The following ANKRD30A variants were observed in gnomAD, a reference collection of about 807,000 sequenced individuals.
ANKRD30A encodes the protein ankyrin repeat domain-containing protein 30A.
A neutral mutation model predicts 166.3 loss-of-function variants in ANKRD30A; 170 were observed. That is an observed-to-expected ratio of 1.02 (90% CI 0.90 to 1.16). The LOEUF (loss-of-function observed/expected upper bound fraction) is 1.16. Ranked by LOEUF, ANKRD30A falls within the 50% of genes most tolerant of loss-of-function variation. ANKRD30A has a pLI of 0.00. For synonymous variants in ANKRD30A, 564 were observed against 508.9 expected (o/e 1.11, Z -1.46); for missense variants, 1,630 against 1,518.0 (o/e 1.07, Z -1.23).
At position 37,142,084 on chromosome 10, in the gene ANKRD30A, T is replaced by C. The variant is rs1337144824; in HGVS notation, c.1187T>C (p.Met396Thr). ...AAAGAAGACACACCTAGGGAAATTA[T>C]GAGTCCCGCAAAAGAAACATCTGAG... ...EKKEDTPREI[M>T]SPAKETSEKF... The change falls in exon 7 of 36, where the codon ATG becomes ACG. Residue 396 changes from methionine to threonine, a missense_variant. By Grantham distance (81) the Met-to-Thr change is moderately conservative. This residue lies in a region of ANKRD30A where 904 missense variants were observed against 818.5 expected (regional missense o/e 1.10). Coordinates refer to ENST00000361713, the MANE Select transcript of ANKRD30A (RefSeq NM_052997.3). 5 of 1,608,296 alleles carry C rather than the reference T, an allele frequency of 3.1e-6. No individual in the cohort carries two copies. Among genetic ancestry groups the C allele is most frequent in the East Asian group, 4.5e-5 (2 of 44,684 alleles).
downstream of ANKRD30A, among the ~76,000 whole-genome samples, chr10:37,232,754 A>G (rs572690835): frequency 1.3e-4 from 18 of 138,872 alleles, no homozygotes; most frequent in African/African-American, 4.5e-4. Flanking sequence ...TTTTAAAACT[A>G]TATGCAGTCA....
intron 9 of ANKRD30A, among the ~76,000 whole-genome samples, chr10:37,148,829 C>T (rs993053887): frequency 6.6e-6 from 1 of 151,876 alleles, no homozygotes; most frequent in African/African-American, 2.4e-5. Context: ...TGTCATTCCA[C>T]AAAAATTTAT....
At chr10:37,198,550 T>C (rs11011066) in intron 29 of ANKRD30A, among the ~76,000 whole-genome samples, 7,291 of 152,178 alleles carry the variant, frequency 0.048, 239 homozygotes, top group South Asian at 0.061. Flanking sequence ...TGTTCAATCA[T>C]GCATTCCACC....
the ANKRD30A span, among the ~76,000 whole-genome samples, chr10:37,259,542 A>G: frequency 2.6e-5 from 4 of 152,368 alleles, no homozygotes; most frequent in East Asian, 5.8e-4. Flanking sequence ...TACCAAAAGA[A>G]TGTTCATAGC....
At chr10:37,192,927 A>G in intron 25 of ANKRD30A, 137 bp from the exon 26 acceptor site, 2 of 1,468,574 alleles carry the variant, frequency 1.4e-6, no homozygotes, top group Non-Finnish European at 1.9e-6. Context: ...ACAGTAACCC[A>G]AAAGACCCCA....
At chr10:37,213,073 C>G (rs536441059) in intron 31 of ANKRD30A, among the ~76,000 whole-genome samples, 1 of 151,920 alleles carries the variant, frequency 6.6e-6, no homozygotes, top group South Asian at 2.1e-4. Flanking sequence ...TATTGATCCT[C>G]TCAAAGTGTT....
chr10:37,156,073 G>A (rs1490563448), intron 13 of ANKRD30A, among the ~76,000 whole-genome samples: 1 of 142,940 alleles, frequency 7.0e-6, no homozygotes. Flanking sequence ...AGAGTGATAC[G>A]CTATCAAAAA....
At chr10:37,126,125 C>CG in intron 1 of ANKRD30A, 117 bp downstream of exon 1, 1 of 1,104,828 alleles carries the variant, frequency 9.1e-7, no homozygotes, top group Admixed American at 2.1e-5. Context: ...GGAGGAGTAA[C>CG]GGGCAGCGGG....
chr10:37,126,099 G>C, intron 1 of ANKRD30A, 91 bp downstream of exon 1: 2 of 1,388,484 alleles, frequency 1.4e-6, no homozygotes, highest in Non-Finnish European at 2.0e-6. Context: ...GGGGCCTGGG[G>C]AAGAAGGGAG....
chr10:37,128,857 A>G (rs1431369438), intron 1 of ANKRD30A, among the ~76,000 whole-genome samples: 2 of 152,150 alleles, frequency 1.3e-5, no homozygotes, highest in Non-Finnish European at 2.9e-5. Context: ...CTAGTAAAAT[A>G]TAACTACCAA....
chr10:37,134,922 A>G (rs1159941629), intron 5 of ANKRD30A, among the ~76,000 whole-genome samples: 1 of 152,210 alleles, frequency 6.6e-6, no homozygotes, highest in African/African-American at 2.4e-5. Flanking sequence ...TATCCCTGGC[A>G]CTTTATATCC....
the ANKRD30A span, among the ~76,000 whole-genome samples, chr10:37,260,917 G>A: frequency 6.6e-6 from 1 of 152,186 alleles, no homozygotes; most frequent in African/African-American, 2.4e-5. Flanking sequence ...AGAGAAAAAA[G>A]GGTTGAAAAA....
chr10:37,219,286 G>A lies in ANKRD30A; in HGVS notation c.3574G>A (p.Glu1192Lys). 5.0e-6 allele frequency: 8 copies of A among 1,610,370 alleles called. No individual in the cohort carries two copies. Among genetic ancestry groups the A allele is most frequent in the Non-Finnish European group, 6.8e-6 (8 of 1,177,556 alleles). The change falls in exon 34 of 36, where the codon GAG (glutamate) becomes AAG (lysine). Residue 1192 changes from glutamate (E) to lysine (K), a missense_variant. Physicochemically the swap from Glu to Lys is moderately conservative, Grantham distance 56. Around this residue, in one of 4 missense-constraint regions of ANKRD30A, gnomAD observed 712 missense variants for 629.3 expected, o/e 1.13. Transcript: ENST00000361713. The stretch of plus-strand genomic sequence containing the variant: ...GGAAAAACAAGACAAAGAAATACTA[G>A]AGGCAGAAATTGAATCACACCATCC... ...LKEKQDKEILEAEIESHHPRL... is the reference protein window; with the variant it reads ...LKEKQDKEILKAEIESHHPRL...
chr10:37,197,498 A>G lies in ANKRD30A; in HGVS notation c.2716+18A>G, dbSNP rs759138361. 4 of 1,611,898 alleles carry G rather than the reference A, an allele frequency of 2.5e-6. No individual in the cohort carries two copies. Among genetic ancestry groups the G allele is most frequent in the Non-Finnish European group, 3.4e-6 (4 of 1,179,590 alleles). ...GAGAGCAGGTACATTTTTCAATGTA[A>G]CTATGCGAAGACCAATATTTCAATA... On this transcript the variant is annotated intron_variant, in intron 29 of 35. Coordinates refer to ENST00000361713, the MANE Select transcript of ANKRD30A (RefSeq NM_052997.3).
intron 13 of ANKRD30A, among the ~76,000 whole-genome samples, chr10:37,157,021 T>A (rs570708951): frequency 4.3e-4 from 66 of 152,316 alleles, no homozygotes; most frequent in Non-Finnish European, 1.6e-4. Context: ...ACATATATAG[T>A]TGATATTTCT....
At chr10:37,221,501 A>T (rs1842897617) in intron 34 of ANKRD30A, among the ~76,000 whole-genome samples, 1 of 151,246 alleles carries the variant, frequency 6.6e-6, no homozygotes, top group South Asian at 2.1e-4. Flanking sequence ...ACATGCCAAC[A>T]GTGAATCTAT....
intron 27 of ANKRD30A, among the ~76,000 whole-genome samples, chr10:37,195,833 G>A (rs1036290069): frequency 3.3e-5 from 5 of 152,008 alleles, no homozygotes; most frequent in Non-Finnish European, 5.9e-5. Context: ...AGTTGCAAAA[G>A]GAGAGGCCTT....
In ANKRD30A at chr10:37,196,405, CA is replaced by C. The variant is rs574879343; in HGVS notation, c.2615-875del. Among the ~76,000 whole-genome samples the C allele has an allele frequency of 2.0e-4, 30 of 152,096 alleles. No individual in the cohort carries two copies. In the East Asian group the frequency reaches 5.4e-3, roughly 27 times the overall value. On this transcript the variant is annotated intron_variant, in intron 27 of 35. Coordinates refer to ENST00000361713, the MANE Select transcript of ANKRD30A (RefSeq NM_052997.3). Reference sequence around the variant, plus strand: ...AATGAGATATATTGGAAACTAAGAACATTGGGTTTATGTTTAAGGAAGTGTG... The same window carrying C: ...AATGAGATATATTGGAAACTAAGAACTTGGGTTTATGTTTAAGGAAGTGTG...
chr10:37,150,643 C>T (rs1286097345), intron 11 of ANKRD30A, among the ~76,000 whole-genome samples: 1 of 152,000 alleles, frequency 6.6e-6, no homozygotes, highest in African/African-American at 2.4e-5. Context: ...TGATCAGCAT[C>T]ATAATTTTTA....
Sources: allele counts gnomAD v4.1 joint callset (sites outside exome capture counted in the v4.1 genomes callset), GRCh38; gene constraint gnomAD v4.1.1; regional missense constraint gnomAD v4.1.1; transcripts MANE v1.5; gene names NCBI Gene and HGNC (gene_info 2026-07-23, HGNC 2026-07-21).